TNS1: variants seen among roughly 807,000 people sequenced by gnomAD.
The protein encoded by TNS1 is tensin 1.
In TNS1, 62 loss-of-function variants were observed where a neutral mutation model predicts 168.6. The observed-to-expected ratio is 0.37, with a 90% CI of 0.30 to 0.45. The LOEUF is 0.45. TNS1 is among the 20% of genes least tolerant of loss of function. The probability of loss-of-function intolerance (pLI) is 1.00; values close to 1 mark genes in which losing one functional copy is unlikely to be tolerated. For missense variants in TNS1, 2,240 were observed against 2,339.4 expected, an observed-to-expected ratio of 0.96 and a Z score of 0.88; for synonymous variants, 934 against 933.2, an observed-to-expected ratio of 1.00 and a Z score of -0.02.
chr2:217,833,992 T>C (rs1944832345), intron 21 of TNS1, among the ~76,000 whole-genome samples: 1 of 152,258 alleles, frequency 6.6e-6, no homozygotes, highest in South Asian at 2.1e-4. Flanking sequence ...AAAAATGTTA[T>C]TAAAATTAAT....
Position 217,926,301 on chromosome 2 carries a change from C to T in TNS1, c.187-6065G>A, listed in dbSNP as rs4674229. ...TTATGGCAGCCCAAGCAGACTAATACCCTTAGCATCATATTTTCAAGAGTC... is the reference window on the plus strand; with the variant it reads ...TTATGGCAGCCCAAGCAGACTAATATCCTTAGCATCATATTTTCAAGAGTC... On this transcript the variant is annotated intron_variant, in intron 3 of 32. Coordinates refer to ENST00000682258, the MANE Select transcript of TNS1 (RefSeq NM_001387777.1). Among the ~76,000 whole-genome samples, 2,854 of 152,292 alleles carry T rather than the reference C, an allele frequency of 0.019. 143 individuals carry two copies. The East Asian group carries it at 0.2, about 11-fold the overall frequency.
chr2:217,909,045 C>T (rs1171740479), intron 4 of TNS1, among the ~76,000 whole-genome samples: 1 of 151,928 alleles, frequency 6.6e-6, no homozygotes, highest in Non-Finnish European at 1.5e-5. Flanking sequence ...GTGCTCCCCT[C>T]AGCCGCCAAC....
chr2:217,895,731 A>C (rs1028315838), intron 8 of TNS1, among the ~76,000 whole-genome samples: 1 of 152,128 alleles, frequency 6.6e-6, no homozygotes, highest in African/African-American at 2.4e-5. Context: ...TGACCACTGG[A>C]ATCCTAAGGA....
intron 18 of TNS1, among the ~76,000 whole-genome samples, chr2:217,863,004 G>C (rs1198940320): frequency 6.6e-6 from 1 of 152,164 alleles, no homozygotes; most frequent in Non-Finnish European, 1.5e-5. Flanking sequence ...CCCACACTGA[G>C]GGGTCTCTCC....
intron 3 of TNS1, among the ~76,000 whole-genome samples, chr2:217,950,046 A>T (rs1957203852): frequency 6.6e-6 from 1 of 152,238 alleles, no homozygotes; most frequent in Non-Finnish European, 1.5e-5. Context: ...CAAAGGAGAT[A>T]AGAATTCTAC....
At chr2:217,997,212 G>A (rs1048336293) in intron 1 of TNS1, among the ~76,000 whole-genome samples, 1 of 152,116 alleles carries the variant, frequency 6.6e-6, no homozygotes, top group Admixed American at 6.6e-5. Flanking sequence ...AAAAGCTTCG[G>A]AAAAGATGAA....
At chr2:218,007,709 G>C (rs1958672367), upstream of TNS1, among the ~76,000 whole-genome samples, 1 of 151,944 alleles carries the variant, frequency 6.6e-6, no homozygotes, top group Non-Finnish European at 1.5e-5. Flanking sequence ...GTGCAGTCAG[G>C]GTCTGTCCCC....
chr2:217,976,681 C>A lies in TNS1; in HGVS notation c.186+2084G>T, dbSNP rs146733219. Reference sequence around the variant, plus strand: ...CCCAAAAAGTCATCTTTGCCATTTGCCTGTTCCCATGCACAAGGCTACTGC... The same window carrying A: ...CCCAAAAAGTCATCTTTGCCATTTGACTGTTCCCATGCACAAGGCTACTGC... On this transcript the variant is annotated intron_variant, in intron 3 of 32. Coordinates refer to ENST00000682258, the MANE Select transcript of TNS1 (RefSeq NM_001387777.1). 1.9e-3 allele frequency among the ~76,000 whole-genome samples: 297 copies of A among 152,330 alleles called. 2 individuals are homozygous for A. Among genetic ancestry groups the A allele is most frequent in the South Asian group, 6.8e-3 (33 of 4,826 alleles).
At chr2:217,909,479 T>A (rs911056359) in intron 4 of TNS1, among the ~76,000 whole-genome samples, 1 of 151,952 alleles carries the variant, frequency 6.6e-6, no homozygotes, top group Non-Finnish European at 1.5e-5. Flanking sequence ...CTAATAGGCC[T>A]CGACCCTCAG....
chr2:218,023,245 G>A (rs1391238018), intron 1 of TNS1, among the ~76,000 whole-genome samples: 1 of 152,188 alleles, frequency 6.6e-6, no homozygotes, highest in Non-Finnish European at 1.5e-5. Flanking sequence ...CAAGTGCAGA[G>A]GGCTGGGAAC....
At chr2:217,857,208 T>C (rs1948244575) in intron 18 of TNS1, among the ~76,000 whole-genome samples, 2 of 151,546 alleles carry the variant, frequency 1.3e-5, no homozygotes, top group East Asian at 3.9e-4. Context: ...GCCCGGGAGG[T>C]TGGCTCAGCC....
chr2:217,871,309 C>T (rs1033767525), intron 18 of TNS1, among the ~76,000 whole-genome samples: 2 of 152,198 alleles, frequency 1.3e-5, no homozygotes, highest in African/African-American at 4.8e-5. Context: ...CCTGCTACTG[C>T]CCCCACCACC....
intron 3 of TNS1, among the ~76,000 whole-genome samples, chr2:217,922,747 C>T (rs1298310501): frequency 2.0e-5 from 3 of 152,286 alleles, no homozygotes; most frequent in African/African-American, 7.2e-5. Flanking sequence ...GAGGCAGAGG[C>T]ACCCCCTAAG....
intron 3 of TNS1, among the ~76,000 whole-genome samples, chr2:217,923,182 T>A (rs1219528636): frequency 6.6e-6 from 1 of 152,108 alleles, no homozygotes; most frequent in African/African-American, 2.4e-5. Context: ...GCCAGCGCTG[T>A]CATAGGCTCA....
chr2:217,983,393 G>A (rs1029594859), intron 2 of TNS1, among the ~76,000 whole-genome samples: 2 of 152,148 alleles, frequency 1.3e-5, no homozygotes, highest in African/African-American at 4.8e-5. Flanking sequence ...AGCCCCAGGA[G>A]CCCTATCTCT....
chr2:217,961,260 C>CACAGAG (rs1553620892), intron 3 of TNS1, among the ~76,000 whole-genome samples: 19 of 140,030 alleles, frequency 1.4e-4, no homozygotes, highest in Middle Eastern at 3.6e-3. Context: ...CACACACACA[C>CACAGAG]AGAGAGAGAG....
intron 2 of TNS1, 52 bp downstream of exon 2, chr2:217,990,890 C>G: frequency 1.8e-6 from 1 of 548,934 alleles, no homozygotes; most frequent in Non-Finnish European, 3.4e-6. Flanking sequence ...GCCCAGCCAT[C>G]TCATTCCCCT....
intron 18 of TNS1, among the ~76,000 whole-genome samples, chr2:217,852,737 G>C (rs1209279702): frequency 6.6e-6 from 1 of 152,154 alleles, no homozygotes; most frequent in East Asian, 1.9e-4. Context: ...TCCCCAAGTG[G>C]GCTCCTGTTT....
At chr2:217,867,164 G>A (rs1949352698) in intron 18 of TNS1, among the ~76,000 whole-genome samples, 1 of 152,176 alleles carries the variant, frequency 6.6e-6, no homozygotes, top group African/African-American at 2.4e-5. Flanking sequence ...TCACATATTG[G>A]GGGGTGCATA....
Sources: allele counts gnomAD v4.1 joint callset (sites outside exome capture counted in the v4.1 genomes callset), GRCh38; gene constraint gnomAD v4.1.1; transcripts MANE v1.5; gene names NCBI Gene and HGNC (gene_info 2026-07-23, HGNC 2026-07-21).